ASAP3: variants seen among roughly 807,000 people sequenced by gnomAD.
The protein encoded by ASAP3 is ArfGAP with SH3 domain, ankyrin repeat and PH domain 3.
Under a neutral mutation model 118.2 loss-of-function variants are expected in ASAP3, and 85 were observed. That is an observed-to-expected ratio of 0.72 (90% confidence interval 0.60 to 0.86). The LOEUF (loss-of-function observed/expected upper bound fraction) is 0.86, where lower values mean the gene tolerates loss of function less well. Among genes scored for constraint, ASAP3 ranks in the 40% least tolerant of loss-of-function variants. The pLI is 0.00. For missense variants in ASAP3, 1,026 were observed against 1,175.0 expected, an observed-to-expected ratio of 0.87 and a Z score of 1.85; for synonymous variants, 432 against 477.4, an observed-to-expected ratio of 0.90 and a Z score of 1.24.
chr1:23,481,853 G>A (rs1178909807), intron 1 of ASAP3, among the ~76,000 whole-genome samples: 1 of 152,202 alleles, frequency 6.6e-6, no homozygotes, highest in African/African-American at 2.4e-5. Flanking sequence ...AACCTGGGGA[G>A]GAGGATGAAC....
chr1:23,440,920 T>A (rs953111610), intron 10 of ASAP3, among the ~76,000 whole-genome samples, 182 bp downstream of exon 10: 2 of 150,854 alleles, frequency 1.3e-5, no homozygotes, highest in Non-Finnish European at 2.9e-5. Context: ...AAATAACCAG[T>A]CACCTTTAGC....
intron 1 of ASAP3, among the ~76,000 whole-genome samples, chr1:23,475,332 A>G (rs1642094486): frequency 6.6e-6 from 1 of 152,146 alleles, no homozygotes; most frequent in Non-Finnish European, 1.5e-5. Flanking sequence ...GCTCGGTGGC[A>G]TGATTTTGGC....
At position 23,433,178 on chromosome 1, in the gene ASAP3, G is replaced by A; in HGVS notation, c.2222C>T (p.Ala741Val). The change falls in exon 22 of 25, where the codon GCA becomes GTA. Residue 741 changes from alanine to valine, a missense_variant. Physicochemically the swap from Ala to Val is moderately conservative, Grantham distance 64 (BLOSUM62 0). Coordinates refer to ENST00000336689, the MANE Select transcript of ASAP3 (RefSeq NM_017707.4). ...CTCACTCTCGCCCTGAGGGGTGGCT[G>A]CTCCCAGGCTGGCGACAGTCTCATA... ...KTYETVASLG[A>V]ATPQGESEDC... 2 of 1,614,144 alleles carry A rather than the reference G, an allele frequency of 1.2e-6. No homozygotes were observed. The highest frequency in any genetic ancestry group is 1.7e-6 in the Non-Finnish European group (2 of 1,180,032).
Position 23,429,719 on chromosome 1 carries a change from G to T in ASAP3, c.*137C>A. ...GAGGCATGGCCTGTGGCAGGAAGAA[G>T]GCCAGCTACAGAGGCACAAGGGACA... On this transcript the variant is annotated 3_prime_UTR_variant, in exon 25 of 25. Transcript: ENST00000336689. The T allele has an allele frequency of 1.2e-6, 1 of 836,298 alleles. No individual in the cohort carries two copies. Among genetic ancestry groups the T allele is most frequent in the Non-Finnish European group, 1.8e-6 (1 of 547,122 alleles). 51.8% of individuals were successfully genotyped at this position (836,298 alleles called of 1,614,324 possible).
At chr1:23,474,249 T>C (rs928824553) in intron 1 of ASAP3, among the ~76,000 whole-genome samples, 1 of 152,122 alleles carries the variant, frequency 6.6e-6, no homozygotes, top group African/African-American at 2.4e-5. Context: ...ATTACAGGCG[T>C]GAGCCATAAA....
chr1:23,453,061 G>A (rs1013660509), intron 3 of ASAP3, among the ~76,000 whole-genome samples: 3 of 152,098 alleles, frequency 2.0e-5, no homozygotes, highest in Non-Finnish European at 4.4e-5. Context: ...GGAGGCCGAG[G>A]TGTGTCAGAG....
At chr1:23,467,951 C>CA (rs573411297) in intron 1 of ASAP3, among the ~76,000 whole-genome samples, 4,579 of 51,254 alleles carry the variant, frequency 0.089, 113 homozygotes, top group Middle Eastern at 0.24. Flanking sequence ...GACTCCGTCT[C>CA]AAAAAAAAAA....
At chr1:23,474,458 G>C (rs939757332) in intron 1 of ASAP3, among the ~76,000 whole-genome samples, 1 of 152,190 alleles carries the variant, frequency 6.6e-6, no homozygotes, top group East Asian at 1.9e-4. Flanking sequence ...GCCCGTTCTT[G>C]GTCTCCTTTA....
At position 23,434,555 on chromosome 1, in the gene ASAP3, C is replaced by G. The variant is rs1180088185; in HGVS notation, c.1813G>C (p.Val605Leu). 1 of 1,614,120 alleles carries G rather than the reference C, an allele frequency of 6.2e-7. No homozygotes were observed. Residue 605 changes from valine (V) to leucine (L), a missense_variant, in exon 18 of 25, where the codon GTG becomes CTG. Physicochemically the swap from Val to Leu is conservative, Grantham distance 32. Transcript: ENST00000336689. ...CACCCGTTCTGGATGATGAAATCCA[C>G]CAGAGGCAGGGAAGCCTGGTTGGCG... is the stretch of plus-strand genomic sequence containing the variant. ...KVANQASLPL[V>L]DFIIQNGGHL...
rs1292727775 is a variant in ASAP3 at position 23,436,056 on chromosome 1, A to AGCAT, written c.1572-32_1572-29dup. On this transcript the variant is annotated intron_variant, in intron 16 of 24. Transcript: ENST00000336689. The surrounding 1 kb of genome is among the most constrained non-coding windows in gnomAD (Gnocchi z 4.2). ...ACCAAAAACAACCACAGGATCTCAGAGCATGGACCGTGTCTGCCCAGCTGA... is the reference window on the plus strand; with the variant it reads ...ACCAAAAACAACCACAGGATCTCAGAGCATGCATGGACCGTGTCTGCCCAGCTGA... 6.2e-7 allele frequency: 1 copy of AGCAT among 1,612,584 alleles called. No homozygotes were observed. Among genetic ancestry groups the AGCAT allele is most frequent in the East Asian group, 2.2e-5 (1 of 44,866 alleles).
chr1:23,471,116 G>T (rs1196160024), intron 1 of ASAP3, among the ~76,000 whole-genome samples: 1 of 152,188 alleles, frequency 6.6e-6, no homozygotes, highest in Admixed American at 6.5e-5. Context: ...ACTTGGGCTT[G>T]CTATCCATCA....
At chr1:23,446,927 TG>T (rs750733674) in intron 5 of ASAP3, among the ~76,000 whole-genome samples, 1 of 151,362 alleles carries the variant, frequency 6.6e-6, no homozygotes, top group Non-Finnish European at 1.5e-5. Flanking sequence ...GATAGCAGGG[TG>T]GGGGAGGGTG....
chr1:23,442,740 T>G (rs936932789), intron 5 of ASAP3, 128 bp from the exon 6 acceptor site: 59 of 1,386,744 alleles, frequency 4.3e-5, no homozygotes, highest in Admixed American at 7.6e-5. Context: ...GTGGTGGGGC[T>G]GGGTACAATG....
At chr1:23,482,056 G>C (rs979235108) in intron 1 of ASAP3, among the ~76,000 whole-genome samples, 1 of 152,160 alleles carries the variant, frequency 6.6e-6, no homozygotes, top group East Asian at 1.9e-4. Flanking sequence ...AAATCTGACC[G>C]GCTGCTTCTT....
At chr1:23,458,566 C>T (rs1641462437) in intron 1 of ASAP3, among the ~76,000 whole-genome samples, 1 of 152,134 alleles carries the variant, frequency 6.6e-6, no homozygotes, top group Non-Finnish European at 1.5e-5. Context: ...CGCCACTGCA[C>T]TCCAGCATGG....
chr1:23,465,477 A>G (rs1165524959), intron 1 of ASAP3, among the ~76,000 whole-genome samples: 1 of 151,970 alleles, frequency 6.6e-6, no homozygotes, highest in Non-Finnish European at 1.5e-5. Flanking sequence ...ACAGTGGCAG[A>G]GCTGTAACTT....
intron 5 of ASAP3, among the ~76,000 whole-genome samples, chr1:23,450,353 T>G (rs1297842553): frequency 6.6e-6 from 1 of 152,206 alleles, no homozygotes; most frequent in African/African-American, 2.4e-5. Flanking sequence ...CCCGTTTGAT[T>G]GATGTGGAAG....
chr1:23,472,445 G>A (rs1641991463), intron 1 of ASAP3, among the ~76,000 whole-genome samples: 1 of 152,158 alleles, frequency 6.6e-6, no homozygotes, highest in African/African-American at 2.4e-5. Context: ...ACAGTGCTGG[G>A]ATTACGGGTA....
intron 1 of ASAP3, among the ~76,000 whole-genome samples, chr1:23,474,588 A>T (rs2811975): frequency 0.91 from 138,210 of 151,736 alleles, 62,960 homozygotes; most frequent in Middle Eastern, 0.94. Flanking sequence ...TTATTTATTT[A>T]TTTTTATTTT....
Sources: gnomAD v4.1 joint callset for allele counts (sites outside exome capture counted in the v4.1 genomes callset) on GRCh38, gnomAD v4.1.1 for gene constraint, Gnocchi (gnomAD v3.1) non-coding constraint, MANE v1.5 for transcripts, NCBI Gene and HGNC (gene_info 2026-07-23, HGNC 2026-07-21) for gene names.